The following PRRX2 variants were observed in gnomAD, a reference collection of about 807,000 sequenced individuals.
The protein encoded by PRRX2 is paired related homeobox 2, also known as paired mesoderm homeobox protein 2.
In PRRX2, 11 loss-of-function variants were observed where a neutral mutation model predicts 18.0. The observed-to-expected ratio is 0.61, with a 90% CI of 0.39 to 1.01. The LOEUF (loss-of-function observed/expected upper bound fraction) is 1.01, where lower values mean the gene tolerates loss of function less well. Among genes scored for constraint, PRRX2 ranks in the 50% least tolerant of loss-of-function variants. The pLI is 0.01. For synonymous variants in PRRX2, 177 were observed against 154.8 expected, an observed-to-expected ratio of 1.14 and a Z score of -1.06; for missense variants, 387 against 351.0, an observed-to-expected ratio of 1.10 and a Z score of -0.82.
At chr9:129,717,566 G>A (rs555816788) in intron 1 of PRRX2, among the ~76,000 whole-genome samples, 20 of 151,846 alleles carry the variant, frequency 1.3e-4, no homozygotes, top group African/African-American at 4.8e-4. Context: ...CATGTTGGTG[G>A]GCGCCTGTAA....
chr9:129,714,256 G>A (rs554914086), intron 1 of PRRX2, among the ~76,000 whole-genome samples: 2 of 151,836 alleles, frequency 1.3e-5, no homozygotes, highest in African/African-American at 2.4e-5. Flanking sequence ...AGTGAGCCGA[G>A]ATCGTGCCAC....
intron 1 of PRRX2, among the ~76,000 whole-genome samples, chr9:129,716,464 T>C (rs1165556263): frequency 6.6e-6 from 1 of 151,590 alleles, no homozygotes; most frequent in Admixed American, 6.6e-5. Context: ...CTTTTTTTTT[T>C]TTTTTTTGAG....
At chr9:129,708,111 C>T (rs984866057) in intron 1 of PRRX2, among the ~76,000 whole-genome samples, 1 of 152,122 alleles carries the variant, frequency 6.6e-6, no homozygotes, top group Non-Finnish European at 1.5e-5. Flanking sequence ...TCTCGGCTCA[C>T]TGCAACCTCC....
rs1448251545 is a variant in PRRX2 at position 129,722,249 on chromosome 9, G to A, written c.659G>A (p.Gly220Asp). Reference sequence around the variant, plus strand: ...CCACCCTACAGCCCTGGGAGCTCAGGCCCCGCAACCCCAGGGGTCAACATG... The same window carrying A: ...CCACCCTACAGCCCTGGGAGCTCAGACCCCGCAACCCCAGGGGTCAACATG... The part of the protein sequence containing the change: ...TVPPYSPGSS[G>D]PATPGVNMAN... The change falls in exon 4 of 4, where the codon GGC (glycine) becomes GAC (aspartate). Residue 220 changes from glycine to aspartate, a missense_variant. By Grantham distance (94) the Gly-to-Asp change is moderately conservative (BLOSUM62 -1). Coordinates refer to ENST00000372469, the MANE Select transcript of PRRX2 (RefSeq NM_016307.4). 2 of 1,613,958 alleles carry A rather than the reference G, an allele frequency of 1.2e-6. No homozygotes were observed. Among genetic ancestry groups the A allele is most frequent in the Non-Finnish European group, 1.7e-6 (2 of 1,179,992 alleles).
rs114781773 is a variant in PRRX2, at chr9:129,709,332, C to T, written c.260-9899C>T. 6.6e-3 allele frequency among the ~76,000 whole-genome samples: 1,004 copies of T among 152,306 alleles called. 7 individuals are homozygous for T. The highest frequency in any genetic ancestry group is 0.023 in the African/African-American group (945 of 41,564). ...CGACCCCAGAGAGACCCAGATACAC[C>T]GCAACTGCCTCCAAGCAGGGCTCTG... On this transcript the variant is annotated intron_variant, in intron 1 of 3. Transcript: ENST00000372469. This position sits in a 1 kb window ranked among gnomAD's most constrained non-coding sequence, Gnocchi z 4.2.
intron 1 of PRRX2, among the ~76,000 whole-genome samples, chr9:129,710,648 G>A (rs1022526601): frequency 6.6e-6 from 1 of 152,170 alleles, no homozygotes; most frequent in African/African-American, 2.4e-5. Context: ...CAGGAGAATC[G>A]TTTGAACCTG....
At chr9:129,708,971 TTC>T (rs768313679) in intron 1 of PRRX2, among the ~76,000 whole-genome samples, 1 of 152,206 alleles carries the variant, frequency 6.6e-6, no homozygotes, top group Non-Finnish European at 1.5e-5. Flanking sequence ...AACACGTCAT[TTC>T]TCTGTTTTAG....
At chr9:129,669,267 C>A (rs748165371) in intron 1 of PRRX2, among the ~76,000 whole-genome samples, 1 of 152,190 alleles carries the variant, frequency 6.6e-6, no homozygotes, top group African/African-American at 2.4e-5. Flanking sequence ...CCGGGAAGAC[C>A]GTGGCTTCGC....
intron 1 of PRRX2, among the ~76,000 whole-genome samples, chr9:129,697,620 C>A (rs1409949156): frequency 6.6e-6 from 1 of 151,850 alleles, no homozygotes; most frequent in African/African-American, 2.4e-5. Context: ...GATTTCGGAC[C>A]GACCCCAGAC....
chr9:129,704,997 A>G (rs1446244523), intron 1 of PRRX2, among the ~76,000 whole-genome samples: 1 of 152,346 alleles, frequency 6.6e-6, no homozygotes, highest in East Asian at 1.9e-4. Flanking sequence ...GCGCCTTATT[A>G]AAATGTAGGC....
At chr9:129,687,676 G>A (rs1312498686) in intron 1 of PRRX2, among the ~76,000 whole-genome samples, 4 of 152,210 alleles carry the variant, frequency 2.6e-5, no homozygotes, top group East Asian at 1.9e-4. Context: ...CGCCAACTCC[G>A]TGGAATTCTA....
intron 1 of PRRX2, among the ~76,000 whole-genome samples, chr9:129,667,051 C>T (rs1027449627): frequency 6.7e-6 from 1 of 149,178 alleles, no homozygotes; most frequent in Non-Finnish European, 1.5e-5. Flanking sequence ...CGTTCCTTGG[C>T]TTTTCAGAGA....
intron 1 of PRRX2, among the ~76,000 whole-genome samples, chr9:129,674,495 G>A (rs1325151791): frequency 2.6e-5 from 4 of 152,100 alleles, no homozygotes; most frequent in East Asian, 1.9e-4. Context: ...ATTGGGGACC[G>A]GGCAACAGGC....
At chr9:129,680,294 C>T (rs371590062) in intron 1 of PRRX2, among the ~76,000 whole-genome samples, 18 of 150,642 alleles carry the variant, frequency 1.2e-4, no homozygotes, top group East Asian at 3.9e-4. Flanking sequence ...CCAACTACTC[C>T]GGAGGCTGAC....
At chr9:129,666,153 GTGGC>G in intron 1 of PRRX2, 27 bp downstream of exon 1, 1 of 1,004,456 alleles carries the variant, frequency 1.0e-6, no homozygotes, top group Non-Finnish European at 1.2e-6. Context: ...AGGGACGGGG[GTGGC>G]GGGGCCGGGG....
chr9:129,692,223 T>C (rs1281091191), intron 1 of PRRX2, among the ~76,000 whole-genome samples: 1 of 152,056 alleles, frequency 6.6e-6, no homozygotes, highest in East Asian at 1.9e-4. Flanking sequence ...GTGCTGGGAT[T>C]ACAGGCATGA....
intron 1 of PRRX2, among the ~76,000 whole-genome samples, chr9:129,672,234 G>T (rs10441740): frequency 0.11 from 16,892 of 152,218 alleles, 1,694 homozygotes; most frequent in East Asian, 0.53. Context: ...GGAGCAGAAG[G>T]GGGTGGCCGT....
intron 1 of PRRX2, among the ~76,000 whole-genome samples, chr9:129,669,640 C>T (rs962039783): frequency 3.9e-5 from 6 of 152,098 alleles, no homozygotes; most frequent in African/African-American, 1.2e-4. Context: ...CCAGAGATTT[C>T]GGAAGATGAA....
intron 3 of PRRX2, among the ~76,000 whole-genome samples, 198 bp downstream of exon 3, chr9:129,720,972 TA>T (rs560850577): frequency 5.3e-5 from 8 of 152,082 alleles, no homozygotes; most frequent in Non-Finnish European, 1.2e-4. Flanking sequence ...GTGCATGTTG[TA>T]AGAGTTGGCA....
Sources: allele counts gnomAD v4.1 joint callset (sites outside exome capture counted in the v4.1 genomes callset), GRCh38; gene constraint gnomAD v4.1.1; non-coding constraint Gnocchi (gnomAD v3.1); transcripts MANE v1.5; gene names NCBI Gene and HGNC (gene_info 2026-07-23, HGNC 2026-07-21).